The following IQGAP1 variants were observed in gnomAD, a reference collection of about 807,000 sequenced individuals.
IQGAP1 encodes the protein ras GTPase-activating-like protein IQGAP1.
A neutral mutation model predicts 215.6 loss-of-function variants in IQGAP1; 66 were observed. That is an observed-to-expected ratio of 0.31 (90% CI 0.25 to 0.38). IQGAP1 has a LOEUF of 0.38. IQGAP1 is among the 10% of genes least tolerant of loss of function. IQGAP1 has a pLI of 1.00. For synonymous variants in IQGAP1, 772 were observed against 728.7 expected (o/e 1.06, Z -0.96); for missense variants, 1,712 against 1,997.1 (o/e 0.86, Z 2.72).
At chr15:90,430,943 C>A (rs1965293631) in intron 4 of IQGAP1, among the ~76,000 whole-genome samples, 1 of 146,390 alleles carries the variant, frequency 6.8e-6, no homozygotes. Flanking sequence ...ATGACTTATA[C>A]AATATATTAC....
In IQGAP1 at chr15:90,391,331, T is replaced by C. The variant is rs140565068; in HGVS notation, c.155+458T>C. On this transcript the variant is annotated intron_variant, in intron 2 of 37. Coordinates refer to ENST00000268182, the MANE Select transcript of IQGAP1 (RefSeq NM_003870.4). ...GAATAAGTATAGGTAGGGTATTTAT[T>C]TATGGCAATAAGTAGCCTTGATGAG... 1,086 of 154,822 alleles carry C rather than the reference T, an allele frequency of 7.0e-3. 7 individuals carry two copies. Among genetic ancestry groups the C allele is most frequent in the African/African-American group, 0.025 (1,037 of 41,576 alleles). The allele number at this position is 154,822 out of a possible 1,614,324, so 9.6% of individuals were successfully genotyped here.
chr15:90,415,975 C>CT (rs60569648), intron 2 of IQGAP1, among the ~76,000 whole-genome samples: 49 of 151,454 alleles, frequency 3.2e-4, no homozygotes, highest in African/African-American at 9.9e-4. Context: ...TGTTTTCAGC[C>CT]TTTTTTTTTG....
At chr15:90,445,543 A>G (rs971361938) in intron 9 of IQGAP1, among the ~76,000 whole-genome samples, 2 of 152,118 alleles carry the variant, frequency 1.3e-5, no homozygotes, top group Non-Finnish European at 2.9e-5. Flanking sequence ...TATTTCTGAC[A>G]TCTTTGTAAA....
intron 15 of IQGAP1, among the ~76,000 whole-genome samples, chr15:90,462,003 A>AAAG (rs1396853710): frequency 0.069 from 60 of 874 alleles, 1 homozygote; most frequent in South Asian, 0.38. Flanking sequence ...AAAAAAAGAA[A>AAAG]AAAAAAAAAT....
intron 5 of IQGAP1, among the ~76,000 whole-genome samples, chr15:90,437,798 C>T (rs1413332518): frequency 2.0e-5 from 3 of 152,198 alleles, no homozygotes; most frequent in Non-Finnish European, 4.4e-5. Context: ...CTCTCTTTCT[C>T]AAAGTACTGG....
chr15:90,414,667 A>G (rs919926127), intron 2 of IQGAP1, among the ~76,000 whole-genome samples: 1 of 152,008 alleles, frequency 6.6e-6, no homozygotes, highest in African/African-American at 2.4e-5. Flanking sequence ...TCTCTGAGGC[A>G]CAGTGCTTCA....
At chr15:90,437,494 A>G (rs1965386402) in intron 5 of IQGAP1, among the ~76,000 whole-genome samples, 1 of 152,106 alleles carries the variant, frequency 6.6e-6, no homozygotes, top group Non-Finnish European at 1.5e-5. Flanking sequence ...TATAAAAAAT[A>G]TATAAAAATG....
intron 15 of IQGAP1, among the ~76,000 whole-genome samples, chr15:90,460,088 A>T (rs1965740806): frequency 6.6e-6 from 1 of 151,826 alleles, no homozygotes; most frequent in Non-Finnish European, 1.5e-5. Flanking sequence ...GCAGACCCCA[A>T]GAGATGGTTC....
chr15:90,449,564 T>A lies in IQGAP1; in HGVS notation c.1083T>A (p.Gly361=). 2 of 1,612,012 alleles carry A rather than the reference T, an allele frequency of 1.2e-6. No individual in the cohort carries two copies. Among genetic ancestry groups the A allele is most frequent in the Non-Finnish European group, 1.7e-6 (2 of 1,179,066 alleles). The change falls in exon 11 of 38, where the codon GGT becomes GGA. Residue 361 remains glycine, a synonymous_variant. Coordinates refer to ENST00000268182, the MANE Select transcript of IQGAP1 (RefSeq NM_003870.4). ...LSDKQQKRQS[G]QTDPLQKEEL... ...ATTTTCTTTGCTTTGCTCAGAGTGG[T>A]CAGACTGACCCCCTGCAGAAGGAGG...
intron 2 of IQGAP1, among the ~76,000 whole-genome samples, chr15:90,421,688 A>G (rs140157252): frequency 2.4e-4 from 36 of 152,264 alleles, no homozygotes; most frequent in African/African-American, 8.4e-4. Context: ...GAATTCAGCC[A>G]GGTTTGTTTG....
intron 2 of IQGAP1, among the ~76,000 whole-genome samples, chr15:90,418,699 G>A (rs1965089047): frequency 6.6e-6 from 1 of 152,214 alleles, no homozygotes; most frequent in African/African-American, 2.4e-5. Flanking sequence ...CTCCCTTAGT[G>A]CTTGATAGAA....
chr15:90,435,986 A>G (rs1452416167), intron 5 of IQGAP1, among the ~76,000 whole-genome samples: 2 of 151,886 alleles, frequency 1.3e-5, no homozygotes, highest in African/African-American at 2.4e-5. Context: ...TCACCTTGCT[A>G]TATTGGATAA....
Position 90,421,853 on chromosome 15 carries a change from G to C in IQGAP1, c.156-4257G>C, listed in dbSNP as rs146830435. Among the ~76,000 whole-genome samples the C allele has an allele frequency of 7.1e-3, 1,083 of 152,274 alleles. 7 individuals carry two copies. The highest frequency in any genetic ancestry group is 0.025 in the African/African-American group (1,034 of 41,554). ...TTTTTGTATTTTTTGTAGAGACGGGGTCTCACCCTGTTGGCCAGGTTTTTC... is the reference window on the plus strand; with the variant it reads ...TTTTTGTATTTTTTGTAGAGACGGGCTCTCACCCTGTTGGCCAGGTTTTTC... On this transcript the variant is annotated intron_variant, in intron 2 of 37. Coordinates refer to ENST00000268182, the MANE Select transcript of IQGAP1 (RefSeq NM_003870.4).
At chr15:90,499,859 C>T in intron 37 of IQGAP1, 136 bp from the exon 38 acceptor site, 1 of 600,596 alleles carries the variant, frequency 1.7e-6, no homozygotes, top group Non-Finnish European at 3.0e-6. Flanking sequence ...TTTCTTTCGC[C>T]CCAGTTCACA....
intron 1 of IQGAP1, 94 bp downstream of exon 1, chr15:90,388,490 A>C: frequency 3.4e-6 from 2 of 594,824 alleles, no homozygotes; most frequent in Non-Finnish European, 2.4e-6. Flanking sequence ...CGGGTGGGGC[A>C]GGGCGGCTGC....
intron 2 of IQGAP1, among the ~76,000 whole-genome samples, chr15:90,402,084 GT>G (rs1964812796): frequency 6.6e-6 from 1 of 152,164 alleles, no homozygotes; most frequent in Non-Finnish European, 1.5e-5. Flanking sequence ...AACTTGTGTA[GT>G]TTTCAAGTCA....
chr15:90,436,063 CTTTT>C (rs61513362), intron 5 of IQGAP1, among the ~76,000 whole-genome samples: 1 of 137,222 alleles, frequency 7.3e-6, no homozygotes, highest in Non-Finnish European at 1.6e-5. Flanking sequence ...CCCTGCTTGC[CTTTT>C]TTTTTTTTTT....
chr15:90,470,021 C>T (rs1965884456), intron 18 of IQGAP1, among the ~76,000 whole-genome samples: 1 of 152,100 alleles, frequency 6.6e-6, no homozygotes. Context: ...AGTTCAGGGA[C>T]ACCTTTGAGA....
At chr15:90,434,815 G>C in intron 5 of IQGAP1, among the ~76,000 whole-genome samples, 1 of 152,140 alleles carries the variant, frequency 6.6e-6, no homozygotes, top group East Asian at 1.9e-4. Flanking sequence ...TTTAGATTTT[G>C]GAGCATTTTG....
Sources: gnomAD v4.1 joint callset for allele counts (sites outside exome capture counted in the v4.1 genomes callset) on GRCh38, gnomAD v4.1.1 for gene constraint, MANE v1.5 for transcripts, NCBI Gene and HGNC (gene_info 2026-07-23, HGNC 2026-07-21) for gene names.